Variants in GOLGA5 observed in about 807,000 individuals in gnomAD.
GOLGA5 encodes golgin subfamily A member 5.
GOLGA5 carries 50 observed loss-of-function variants against 93.5 expected under a neutral mutation model. That is an observed-to-expected ratio of 0.53 (90% confidence interval 0.43 to 0.68). The LOEUF (loss-of-function observed/expected upper bound fraction) is 0.68. GOLGA5 is among the 30% of genes least tolerant of loss of function. The pLI is 0.00. For synonymous variants in GOLGA5, 312 were observed against 304.5 expected (o/e 1.02, Z -0.26); for missense variants, 760 against 856.4 (o/e 0.89, Z 1.40).
chr14:92,810,756 T>C (rs1885088071), intron 5 of GOLGA5: 1 of 160,094 alleles, frequency 6.2e-6, no homozygotes, highest in Non-Finnish European at 1.4e-5. Context: ...GTATGTAATA[T>C]GTAAAGAGTT....
At chr14:92,816,137 C>G in intron 6 of GOLGA5, 114 bp from the exon 7 acceptor site, 1 of 678,706 alleles carries the variant, frequency 1.5e-6, no homozygotes, top group East Asian at 2.6e-5. Flanking sequence ...TGTGGACTTT[C>G]TTTGATGGAG....
chr14:92,804,890 C>G (rs1316662587), intron 2 of GOLGA5, among the ~76,000 whole-genome samples: 1 of 151,712 alleles, frequency 6.6e-6, no homozygotes, highest in African/African-American at 2.4e-5. Context: ...TTGTGATCCG[C>G]CTGCCTCAGC....
intron 12 of GOLGA5, among the ~76,000 whole-genome samples, 154 bp from the exon 13 acceptor site, chr14:92,839,212 C>T (rs1885709358): frequency 6.6e-6 from 1 of 152,228 alleles, no homozygotes; most frequent in Non-Finnish European, 1.5e-5. Flanking sequence ...CCTTCCATTG[C>T]ACTGAGCTCA....
At chr14:92,813,480 A>G (rs1168492295) in intron 6 of GOLGA5, among the ~76,000 whole-genome samples, 1 of 152,230 alleles carries the variant, frequency 6.6e-6, no homozygotes, top group Non-Finnish European at 1.5e-5. Flanking sequence ...AGGAAGACTC[A>G]TGATAGGGAA....
chr14:92,795,796 T>C (rs1884713332), intron 1 of GOLGA5, among the ~76,000 whole-genome samples: 1 of 152,210 alleles, frequency 6.6e-6, no homozygotes, highest in Non-Finnish European at 1.5e-5. Flanking sequence ...GTACAGATAA[T>C]GATTGACCTA....
rs1595608397 is a variant in GOLGA5, at chr14:92,839,748, TGTTAGGTGAC to T, written c.*303_*312del. 7 of 323,326 alleles carry T rather than the reference TGTTAGGTGAC, an allele frequency of 2.2e-5. No homozygotes were observed. Among genetic ancestry groups the T allele is most frequent in the Admixed American group, 9.6e-5 (2 of 20,874 alleles). 20.0% of individuals were successfully genotyped at this position (323,326 alleles called of 1,614,324 possible). On this transcript the variant is annotated 3_prime_UTR_variant, in exon 13 of 13. Transcript: ENST00000163416. ...TTCACCTCTGTACAGACCATCTGTA[TGTTAGGTGAC>T]ATTGATTATGGGTTATAATCAGGGA... is the stretch of plus-strand genomic sequence containing the variant.
chr14:92,829,627 CT>C (rs1480314163), intron 9 of GOLGA5, among the ~76,000 whole-genome samples: 4 of 152,166 alleles, frequency 2.6e-5, no homozygotes, highest in Non-Finnish European at 4.4e-5. Flanking sequence ...TACCGATGAG[CT>C]AAGAAAGTGA....
In GOLGA5 at chr14:92,809,349, A is replaced by G. The variant is rs1327946969; in HGVS notation, c.822A>G (p.Ser274=). Residue 274 remains serine, a synonymous_variant, in exon 4 of 13, where the codon TCA becomes TCG. Coordinates refer to ENST00000163416, the MANE Select transcript of GOLGA5 (RefSeq NM_005113.4). ...TTGAAAAGTGGAATGCTGACCATTC[A>G]AAGAGTGATCGAATGACTCGAGGAC... ...ARVEKWNADH[S]KSDRMTRGLR... 6.2e-7 allele frequency: 1 copy of G among 1,613,688 alleles called. No homozygotes were observed. The highest frequency in any genetic ancestry group is 1.7e-5 in the Admixed American group (1 of 60,034).
intron 9 of GOLGA5, among the ~76,000 whole-genome samples, chr14:92,825,061 A>C (rs576554773): frequency 4.6e-5 from 7 of 152,190 alleles, no homozygotes; most frequent in Non-Finnish European, 1.0e-4. Context: ...TGTAAAATGT[A>C]CAGAAAATAA....
chr14:92,816,574 C>G (rs1350525962), intron 7 of GOLGA5, among the ~76,000 whole-genome samples, 153 bp downstream of exon 7: 3 of 152,084 alleles, frequency 2.0e-5, no homozygotes, highest in Non-Finnish European at 2.9e-5. Flanking sequence ...TCTTCCTCTT[C>G]TCTTCTTTTG....
At chr14:92,810,431 C>G (rs535215837) in intron 5 of GOLGA5, 54 bp downstream of exon 5, 14 of 1,390,298 alleles carry the variant, frequency 1.0e-5, no homozygotes, top group Middle Eastern at 1.8e-4. Flanking sequence ...GAAAAAATGA[C>G]TTTATGCTGT....
At chr14:92,803,166 A>C (rs2140314066) in intron 2 of GOLGA5, among the ~76,000 whole-genome samples, 1 of 152,118 alleles carries the variant, frequency 6.6e-6, no homozygotes, top group South Asian at 2.1e-4. Context: ...CTCAATAGTA[A>C]CTGAGACTGC....
At chr14:92,826,290 C>CA (rs10713083) in intron 9 of GOLGA5, among the ~76,000 whole-genome samples, 1,415 of 135,668 alleles carry the variant, frequency 0.01, 16 homozygotes, top group African/African-American at 0.034. Flanking sequence ...AATACATTGC[C>CA]AAAAAAAAAA....
At chr14:92,836,894 G>A (rs574773618) in intron 11 of GOLGA5, among the ~76,000 whole-genome samples, 1 of 152,068 alleles carries the variant, frequency 6.6e-6, no homozygotes, top group East Asian at 1.9e-4. Context: ...GCGAAACCCC[G>A]TCTCTACTAA....
chr14:92,813,032 A>T (rs1002983518), intron 6 of GOLGA5, among the ~76,000 whole-genome samples: 3 of 152,200 alleles, frequency 2.0e-5, no homozygotes, highest in African/African-American at 7.2e-5. Flanking sequence ...GTTCTGGTCA[A>T]CGTTACTGCC....
rs568494277 is a variant in GOLGA5, at chr14:92,819,615, G to A, written c.1492-93G>A. 5.5e-5 allele frequency: 67 copies of A among 1,214,186 alleles called. No individual in the cohort carries two copies. In the South Asian group the frequency reaches 6.4e-4, roughly 12 times the overall value. 75.2% of individuals were successfully genotyped at this position (1,214,186 alleles called of 1,614,324 possible). Reference sequence around the variant, plus strand: ...GCCACTGCACTCCAGCCTGGGTGACGTGAGACTCTGATTCTTAAAAAAGAA... The same window carrying A: ...GCCACTGCACTCCAGCCTGGGTGACATGAGACTCTGATTCTTAAAAAAGAA... On this transcript the variant is annotated intron_variant, in intron 7 of 12. Transcript: ENST00000163416.
intron 9 of GOLGA5, among the ~76,000 whole-genome samples, chr14:92,825,500 C>T (rs1885398529): frequency 6.6e-6 from 1 of 152,124 alleles, no homozygotes; most frequent in African/African-American, 2.4e-5. Flanking sequence ...TGGTTTAATC[C>T]TTTTTCTATA....
At chr14:92,822,482 CTGAG>C (rs1295067345) in intron 8 of GOLGA5, among the ~76,000 whole-genome samples, 2 of 152,194 alleles carry the variant, frequency 1.3e-5, no homozygotes, top group African/African-American at 4.8e-5. Flanking sequence ...TGAGCTGTCT[CTGAG>C]TGATCCATTG....
At chr14:92,809,846 C>G (rs943516307) in intron 4 of GOLGA5, among the ~76,000 whole-genome samples, 1 of 152,152 alleles carries the variant, frequency 6.6e-6, no homozygotes, top group Non-Finnish European at 1.5e-5. Context: ...GTAATCCCAG[C>G]TACTCAGGAG....
Sources: gnomAD v4.1 joint callset for allele counts (sites outside exome capture counted in the v4.1 genomes callset) on GRCh38, gnomAD v4.1.1 for gene constraint, MANE v1.5 for transcripts, NCBI Gene and HGNC (gene_info 2026-07-23, HGNC 2026-07-21) for gene names.